The following MCF2L variants were observed in gnomAD, a reference collection of about 807,000 sequenced individuals.
MCF2L encodes guanine nucleotide exchange factor DBS.
A neutral mutation model predicts 153.4 loss-of-function variants in MCF2L; 97 were observed. That is an observed-to-expected ratio of 0.63 (90% CI 0.54 to 0.75). The LOEUF (loss-of-function observed/expected upper bound fraction) is 0.75, where lower values mean the gene tolerates loss of function less well. Ranked by LOEUF, MCF2L falls within the 30% of genes least tolerant of loss-of-function variation. The pLI, the probability that MCF2L is intolerant of heterozygous loss-of-function variation, is 0.00. For synonymous variants in MCF2L, 659 were observed against 632.2 expected, an observed-to-expected ratio of 1.04 and a Z score of -0.64; for missense variants, 1,347 against 1,495.2, an observed-to-expected ratio of 0.90 and a Z score of 1.64.
At chr13:113,033,345 TAGTGGACCCCGTGGCGTG>T (rs2085898056) in intron 3 of MCF2L, among the ~76,000 whole-genome samples, 2 of 22,796 alleles carry the variant, frequency 8.8e-5, no homozygotes, top group African/African-American at 1.9e-4. Flanking sequence ...CCCGTGACAT[TAGTGGACCCCGTGGCGTG>T]AGTGGCCCCC....
chr13:112,970,210 C>CA (rs2081991245), intron 1 of MCF2L, among the ~76,000 whole-genome samples: 3 of 152,030 alleles, frequency 2.0e-5, no homozygotes, highest in Admixed American at 1.3e-4. Flanking sequence ...AGTAAGTTGC[C>CA]AAGTGTTTTG....
At chr13:113,063,125 A>G (rs2031785637) in intron 5 of MCF2L, among the ~76,000 whole-genome samples, 1 of 152,254 alleles carries the variant, frequency 6.6e-6, no homozygotes, top group Admixed American at 6.5e-5. Context: ...GTGCACCTCC[A>G]ACAGCACCAT....
rs942252553 is a variant in MCF2L, at chr13:113,064,005, C to T, written c.490-299C>T. On this transcript the variant is annotated intron_variant, in intron 5 of 29. Coordinates refer to ENST00000535094, the MANE Select transcript of MCF2L (RefSeq NM_001112732.3). This position sits in a 1 kb window ranked among gnomAD's most constrained non-coding sequence, Gnocchi z 6.0. The stretch of plus-strand genomic sequence containing the variant: ...CCGTGACACGTCTGTGGTCACAAAG[C>T]CTATGGCTAGTGTGCAGTGCCTGCC... 1.1e-4 allele frequency: 46 copies of T among 428,696 alleles called. No homozygotes were observed. Among genetic ancestry groups the T allele is most frequent in the Admixed American group, 5.3e-4 (17 of 32,186 alleles). 26.6% of individuals were successfully genotyped at this position (428,696 alleles called of 1,614,324 possible). A position where few individuals can be genotyped will look rare whatever the true frequency, so the allele number is the denominator to read the frequency against.
At chr13:113,078,292 C>T in intron 13 of MCF2L, 71 bp from the exon 14 acceptor site, 1 of 1,293,936 alleles carries the variant, frequency 7.7e-7, no homozygotes, top group Non-Finnish European at 1.1e-6. Context: ...GGGCCTTTTC[C>T]CGCTGGGTGC....
chr13:113,003,713 G>C (rs183974955), intron 1 of MCF2L, among the ~76,000 whole-genome samples: 84 of 152,288 alleles, frequency 5.5e-4, no homozygotes, highest in Non-Finnish European at 1.0e-3. Flanking sequence ...AGTGTCTCAC[G>C]TCCTCTTAGG....
chr13:112,975,927 GGCCT>G (rs150683673), intron 1 of MCF2L, among the ~76,000 whole-genome samples: 105,774 of 151,610 alleles, frequency 0.7, 37,111 homozygotes, highest in Non-Finnish European at 0.73. Context: ...GCAAGCTCCT[GGCCT>G]CCCTCCCTCC....
chr13:113,027,187 T>C lies in MCF2L; in HGVS notation c.278+2429T>C, dbSNP rs148359654. The C allele has an allele frequency of 5.6e-4, 356 of 640,224 alleles. No individual in the cohort carries two copies. Among genetic ancestry groups the C allele is most frequent in the African/African-American group, 4.9e-3 (276 of 56,080 alleles). The allele number at this position is 640,224 out of a possible 1,614,324, so 39.7% of individuals were successfully genotyped here. On this transcript the variant is annotated intron_variant, in intron 3 of 29. Coordinates refer to ENST00000535094, the MANE Select transcript of MCF2L (RefSeq NM_001112732.3). This position sits in a 1 kb window ranked among gnomAD's most constrained non-coding sequence, Gnocchi z 4.8. ...TGAAGGTTCTTCATTCTTCAGTCTT[T>C]AAAGACAACAGCGCACTGGGCCTGG...
chr13:112,914,343 C>T (rs990818952), intron 2 of MCF2L, among the ~76,000 whole-genome samples: 2 of 152,252 alleles, frequency 1.3e-5, no homozygotes, highest in Non-Finnish European at 2.9e-5. Flanking sequence ...GACTACTCCA[C>T]ATCCATGAAG....
At chr13:113,090,035 C>A in intron 26 of MCF2L, 9 of 1,592,826 alleles carry the variant, frequency 5.7e-6, no homozygotes, top group Non-Finnish European at 6.8e-6. Context: ...GGTTGCGATG[C>A]CCTCTGCATA....
intron 18 of MCF2L, 94 bp from the exon 19 acceptor site, chr13:113,084,798 C>T: frequency 1.1e-6 from 1 of 911,378 alleles, no homozygotes; most frequent in Non-Finnish European, 1.8e-6. Context: ...GATGCGGTGC[C>T]CGTCCCTCAC....
chr13:112,968,413 G>A (rs1283067948), upstream of MCF2L: 2 of 1,561,580 alleles, frequency 1.3e-6, no homozygotes, highest in East Asian at 4.7e-5. Flanking sequence ...ATCTGCAGGT[G>A]GCAGCCAGGA....
intron 1 of MCF2L, chr13:112,979,225 G>C (rs2082315990): frequency 1.5e-6 from 1 of 662,022 alleles, no homozygotes; most frequent in Non-Finnish European, 1.9e-6. Context: ...GACTTCCTGA[G>C]GCCTGGAAGG....
chr13:112,977,414 A>G (rs2082253710), intron 1 of MCF2L, among the ~76,000 whole-genome samples: 3 of 152,146 alleles, frequency 2.0e-5, no homozygotes, highest in African/African-American at 7.2e-5. Flanking sequence ...CCCACCAGCC[A>G]GGAGAGGACG....
intron 3 of MCF2L, among the ~76,000 whole-genome samples, chr13:113,041,355 G>T (rs554409596): frequency 2.6e-5 from 4 of 152,210 alleles, no homozygotes; most frequent in South Asian, 2.1e-4. Flanking sequence ...CCTGCCTCAC[G>T]GTTTTGGGCA....
intron 1 of MCF2L, among the ~76,000 whole-genome samples, chr13:112,986,504 C>T (rs946517609): frequency 1.3e-5 from 2 of 152,348 alleles, no homozygotes; most frequent in East Asian, 1.9e-4. Flanking sequence ...CACGGTCCCA[C>T]TGCCCTCGGA....
At chr13:113,014,623 T>C (rs1347947424) in intron 1 of MCF2L, 140 bp from the exon 2 acceptor site, 5 of 626,684 alleles carry the variant, frequency 8.0e-6, no homozygotes, top group East Asian at 2.7e-5. Flanking sequence ...TATTGGAAAC[T>C]GAAAAGCCTT....
At chr13:113,088,847 G>T (rs2034899699) in intron 25 of MCF2L, among the ~76,000 whole-genome samples, 1 of 152,206 alleles carries the variant, frequency 6.6e-6, no homozygotes, top group Non-Finnish European at 1.5e-5. Flanking sequence ...CTCTTCCCGG[G>T]GTGGGCTGTT....
At chr13:113,033,399 G>GATGTT (rs1566773608) in intron 3 of MCF2L, among the ~76,000 whole-genome samples, 1 of 29,702 alleles carries the variant, frequency 3.4e-5, no homozygotes, top group Non-Finnish European at 7.3e-5. Context: ...CCCGTGATGT[G>GATGTT]AGTGGACCCC....
At chr13:112,918,147 C>T (rs772210146) in intron 2 of MCF2L, among the ~76,000 whole-genome samples, 8 of 152,208 alleles carry the variant, frequency 5.3e-5, no homozygotes, top group African/African-American at 1.4e-4. Context: ...TCCTAGCAAT[C>T]GCAAATTAAG....
Sources: allele counts gnomAD v4.1 joint callset (sites outside exome capture counted in the v4.1 genomes callset), GRCh38; gene constraint gnomAD v4.1.1; non-coding constraint Gnocchi (gnomAD v3.1); transcripts MANE v1.5; gene names NCBI Gene and HGNC (gene_info 2026-07-23, HGNC 2026-07-21).